HHLA1: variants seen among roughly 807,000 people sequenced by gnomAD.
HHLA1 encodes HERV-H LTR-associating protein 1.
A neutral mutation model predicts 69.9 loss-of-function variants in HHLA1; 72 were observed. That is an observed-to-expected ratio of 1.03 (90% confidence interval 0.85 to 1.25). The LOEUF is 1.25. Ranked by LOEUF, HHLA1 falls within the 50% of genes most tolerant of loss-of-function variation. The pLI, the probability that HHLA1 is intolerant of heterozygous loss-of-function variation, is 0.00. For synonymous variants in HHLA1, 252 were observed against 233.2 expected (o/e 1.08, Z -0.73); for missense variants, 685 against 642.2 (o/e 1.07, Z -0.72).
At chr8:132,073,628 C>T (rs534174631) in intron 14 of HHLA1, among the ~76,000 whole-genome samples, 1 of 152,332 alleles carries the variant, frequency 6.6e-6, no homozygotes, top group Admixed American at 6.5e-5. Flanking sequence ...ACTCTGAAGC[C>T]TGTGCTCATA....
At chr8:132,106,136 C>T (rs1824198362) in intron 1 of HHLA1, among the ~76,000 whole-genome samples, 1 of 151,992 alleles carries the variant, frequency 6.6e-6, no homozygotes, top group Admixed American at 6.6e-5. Context: ...ATACAGGCTG[C>T]ACAGATACGA....
chr8:132,085,393 G>A (rs1823843111), intron 10 of HHLA1: 1 of 366,196 alleles, frequency 2.7e-6, no homozygotes, highest in Non-Finnish European at 5.5e-6. Context: ...AGAGTAAAAA[G>A]AGGCCGCTTA....
At chr8:132,106,590 A>T (rs1824205537) in intron 1 of HHLA1, among the ~76,000 whole-genome samples, 1 of 152,210 alleles carries the variant, frequency 6.6e-6, no homozygotes, top group African/African-American at 2.4e-5. Flanking sequence ...AGAGCATTTA[A>T]CCCAGTGCCT....
chr8:132,106,445 C>G (rs996908087), intron 1 of HHLA1, among the ~76,000 whole-genome samples: 4 of 152,184 alleles, frequency 2.6e-5, no homozygotes, highest in African/African-American at 9.6e-5. Flanking sequence ...TACAAGGAAG[C>G]AAGAAGCTGG....
In HHLA1 at chr8:132,078,865, G is replaced by T. The variant is rs114445882; in HGVS notation, c.925+853C>A. 4.6e-3 allele frequency among the ~76,000 whole-genome samples: 692 copies of T among 152,078 alleles called. 4 individuals are homozygous for T. Among genetic ancestry groups the T allele is most frequent in the African/African-American group, 0.016 (668 of 41,468 alleles). On this transcript the variant is annotated intron_variant, in intron 11 of 16. Coordinates refer to ENST00000414222, the MANE Select transcript of HHLA1 (RefSeq NM_001145095.3). ...TTCTGATGACAATATTGTCTCAGTG[G>T]GTCCATTGTTGGAACCCACTGAGAA...
intron 7 of HHLA1, among the ~76,000 whole-genome samples, chr8:132,090,849 C>G (rs1823936171): frequency 6.6e-6 from 1 of 151,554 alleles, no homozygotes; most frequent in African/African-American, 2.4e-5. Context: ...AGTTCCGCCT[C>G]CCAGGTTCAC....
intron 10 of HHLA1, among the ~76,000 whole-genome samples, chr8:132,081,618 A>G (rs921292807): frequency 1.3e-5 from 2 of 152,226 alleles, no homozygotes; most frequent in Non-Finnish European, 2.9e-5. Context: ...CTGACAGAAC[A>G]GAAGAAATGA....
intron 7 of HHLA1, among the ~76,000 whole-genome samples, chr8:132,090,270 G>A (rs1823926890): frequency 6.6e-6 from 1 of 152,280 alleles, no homozygotes; most frequent in Non-Finnish European, 1.5e-5. Context: ...ACTATTGACT[G>A]TGAAAATTCC....
In HHLA1 at chr8:132,067,675, G is replaced by A. The variant is rs1211036620; in HGVS notation, c.1470-1707C>T. ...AGCAACCACAAAGCGCAGCGTTCCA[G>A]GTACCATGCAGGAACAATTAGATAT... On this transcript the variant is annotated intron_variant, in intron 15 of 16. Coordinates refer to ENST00000414222, the MANE Select transcript of HHLA1 (RefSeq NM_001145095.3). Among the ~76,000 whole-genome samples the A allele has an allele frequency of 2.6e-5, 4 of 152,154 alleles. No homozygotes were observed. The East Asian group carries it at 7.7e-4, about 29-fold the overall frequency.
At chr8:132,082,415 AC>A (rs1467409586) in intron 10 of HHLA1, among the ~76,000 whole-genome samples, 1 of 152,186 alleles carries the variant, frequency 6.6e-6, no homozygotes, top group Non-Finnish European at 1.5e-5. Context: ...AAGAATTCTG[AC>A]CACACTAACC....
chr8:132,087,469 C>G (rs1049074790), intron 10 of HHLA1, among the ~76,000 whole-genome samples, 184 bp downstream of exon 10: 2 of 152,212 alleles, frequency 1.3e-5, no homozygotes, highest in East Asian at 3.9e-4. Flanking sequence ...GGGGGAAGAT[C>G]TAGAATTGCC....
intron 10 of HHLA1, among the ~76,000 whole-genome samples, chr8:132,081,475 G>A (rs915798552): frequency 4.6e-5 from 7 of 152,292 alleles, no homozygotes; most frequent in African/African-American, 7.2e-5. Flanking sequence ...TCTTGAAGAC[G>A]GAGGACCGTA....
chr8:132,070,345 T>C, intron 15 of HHLA1: 1 of 702,098 alleles, frequency 1.4e-6, no homozygotes, highest in Non-Finnish European at 2.6e-6. Flanking sequence ...CCAACTTATT[T>C]TGCTGGTGGA....
In HHLA1 at chr8:132,089,514, AC is replaced by A. The variant is rs1332052348; in HGVS notation, c.532+1del. On this transcript the variant is annotated splice_donor_variant, in intron 8 of 16. Transcript: ENST00000414222. LOFTEE classifies it high-confidence loss of function. ...GCCAAAGCGTTTTCAAGATGAACAC[AC>A]CTGAGAGGATGGAGGTTGACTTAAA... The A allele has an allele frequency of 6.8e-7, 1 of 1,479,050 alleles. No homozygotes were observed. The highest frequency in any genetic ancestry group is 9.3e-7 in the Non-Finnish European group (1 of 1,080,780). 91.6% of individuals were successfully genotyped at this position (1,479,050 alleles called of 1,614,324 possible).
At chr8:132,079,280 C>T (rs750091622) in intron 11 of HHLA1, among the ~76,000 whole-genome samples, 34 of 152,182 alleles carry the variant, frequency 2.2e-4, no homozygotes, top group Non-Finnish European at 4.4e-4. Flanking sequence ...CCTAACCATG[C>T]CATAAAATAT....
rs1000225643 is a variant in HHLA1 at position 132,071,488 on chromosome 8, G to A, written c.1321C>T (p.Pro441Ser). ...GCTCCCACCTTGAAGAGTGGCTGAG[G>A]ACACCCTAGAAGATGCAATCCCAGA... ...VPRPHQVSRC[P>S]QPLFKVGAMA... The change falls in exon 15 of 17, where the codon CCT becomes TCT. Residue 441 changes from proline to serine, a missense_variant. Transcript: ENST00000414222. 5.2e-6 allele frequency: 8 copies of A among 1,551,140 alleles called. No homozygotes were observed. The highest frequency in any genetic ancestry group is 2.7e-5 in the African/African-American group (2 of 73,024).
At chr8:132,078,857 T>A (rs955018385) in intron 11 of HHLA1, among the ~76,000 whole-genome samples, 3 of 152,224 alleles carry the variant, frequency 2.0e-5, no homozygotes, top group Admixed American at 6.5e-5. Flanking sequence ...GACAATATTG[T>A]CTCAGTGGGT....
Position 132,098,962 on chromosome 8 carries a change from T to C in HHLA1, c.200A>G (p.Glu67Gly). Residue 67 changes from glutamate (E) to glycine (G), a missense_variant and splice_region_variant, in exon 5 of 17, where the codon GAG (glutamate) becomes GGG (glycine). Coordinates refer to ENST00000414222, the MANE Select transcript of HHLA1 (RefSeq NM_001145095.3). ...CAGATCGATTGACCTTGCGGGCAGC[T>C]CTGAAAGAGATTCAGAGATAATGTC... ...EKGVAFLATT[E>G]LPARSIDLSA... The C allele has an allele frequency of 1.3e-6, 2 of 1,544,698 alleles. No homozygotes were observed. The highest frequency in any genetic ancestry group is 4.9e-5 in the East Asian group (2 of 40,820).
chr8:132,070,980 G>A (rs1823529605), intron 15 of HHLA1, among the ~76,000 whole-genome samples: 2 of 148,462 alleles, frequency 1.3e-5, no homozygotes, highest in African/African-American at 5.0e-5. Flanking sequence ...ACTCATCACA[G>A]CTTAAGTCAT....
Sources: allele counts gnomAD v4.1 joint callset (sites outside exome capture counted in the v4.1 genomes callset), GRCh38; gene constraint gnomAD v4.1.1; transcripts MANE v1.5; gene names NCBI Gene and HGNC (gene_info 2026-07-23, HGNC 2026-07-21).